The following KLRG1 variants were observed in gnomAD, a reference collection of about 807,000 sequenced individuals.
The protein encoded by KLRG1 is killer cell lectin-like receptor subfamily G member 1.
A neutral mutation model predicts 21.8 loss-of-function variants in KLRG1; 16 were observed. That is an observed-to-expected ratio of 0.73 (90% CI 0.50 to 1.11). KLRG1 has a LOEUF of 1.11. Among genes scored for constraint, KLRG1 ranks in the 50% most tolerant of loss-of-function variants. The probability of loss-of-function intolerance (pLI) is 0.00; values close to 1 mark genes in which losing one functional copy is unlikely to be tolerated. For synonymous variants in KLRG1, 69 were observed against 75.9 expected (o/e 0.91, Z 0.47); for missense variants, 173 against 218.3 (o/e 0.79, Z 1.31).
At chr12:9,125,145 G>A in the KLRG1 span, among the ~76,000 whole-genome samples, 65 of 152,362 alleles carry the variant, frequency 4.3e-4, no homozygotes, top group African/African-American at 1.5e-3. Context: ...AGTGCAGAGA[G>A]GAGCAAGGAG....
chr12:9,214,159 A>G, the KLRG1 span, among the ~76,000 whole-genome samples: 1 of 151,942 alleles, frequency 6.6e-6, no homozygotes, highest in Non-Finnish European at 1.5e-5. Flanking sequence ...GGATTTATTT[A>G]TGGACTCTCA....
the KLRG1 span, among the ~76,000 whole-genome samples, chr12:9,022,637 G>A: frequency 6.6e-5 from 10 of 152,168 alleles, no homozygotes; most frequent in East Asian, 5.8e-4. Context: ...GGGATTTTTA[G>A]CCCCACCCCT....
the KLRG1 span, among the ~76,000 whole-genome samples, chr12:9,102,207 G>GCT: frequency 6.6e-6 from 1 of 152,094 alleles, no homozygotes. Flanking sequence ...GCTATCTTAG[G>GCT]CTGATTGCTA....
chr12:8,962,733 G>A (rs865823954), intron 1 of KLRG1, among the ~76,000 whole-genome samples: 26 of 141,596 alleles, frequency 1.8e-4, no homozygotes, highest in African/African-American at 4.5e-4. Flanking sequence ...AAAAAAAAAA[G>A]AAAGAAAGAA....
At chr12:9,214,162 G>A in the KLRG1 span, among the ~76,000 whole-genome samples, 5 of 151,970 alleles carry the variant, frequency 3.3e-5, no homozygotes, top group Middle Eastern at 3.4e-3. Context: ...TTTATTTATG[G>A]ACTCTCAATG....
the KLRG1 span, among the ~76,000 whole-genome samples, chr12:9,128,802 G>C: frequency 5.3e-5 from 8 of 152,314 alleles, no homozygotes; most frequent in Admixed American, 5.2e-4. Flanking sequence ...TTCCAAACCA[G>C]TTTTTCTTAC....
rs1313826366 is a variant in KLRG1 at position 9,009,078 on chromosome 12, A to G, written c.458+3A>G. On this transcript the variant is annotated splice_donor_region_variant and intron_variant, in intron 4 of 4. Transcript: ENST00000356986. ...GGATCACCTCTAAACTTCTCAAGGT[A>G]AGGGGCTTCAAAGGAATGCAAAAAA... 1 of 1,601,690 alleles carries G rather than the reference A, an allele frequency of 6.2e-7. No individual in the cohort carries two copies. Among genetic ancestry groups the G allele is most frequent in the African/African-American group, 1.3e-5 (1 of 74,406 alleles).
the KLRG1 span, among the ~76,000 whole-genome samples, chr12:9,164,940 C>T: frequency 6.6e-6 from 1 of 152,126 alleles, no homozygotes. Flanking sequence ...CTTAGAGAGC[C>T]GTGATTTAAG....
At chr12:9,106,363 A>T in the KLRG1 span, 1 of 1,562,666 alleles carries the variant, frequency 6.4e-7, no homozygotes, top group Non-Finnish European at 8.8e-7. Flanking sequence ...AAGAGAAAAA[A>T]ATCTGTTATT....
the KLRG1 span, chr12:9,196,809 G>A: frequency 2.3e-5 from 19 of 841,824 alleles, no homozygotes; most frequent in South Asian, 7.9e-5. Flanking sequence ...ATTGACCTTC[G>A]AGAACTTAAT....
the KLRG1 span, among the ~76,000 whole-genome samples, chr12:9,026,661 C>T: frequency 6.6e-6 from 1 of 152,102 alleles, no homozygotes; most frequent in South Asian, 2.1e-4. Flanking sequence ...GCTATTCACT[C>T]TATCAGGGTT....
chr12:9,065,977 G>T, the KLRG1 span: 84,111 of 152,134 alleles, frequency 0.55, 24,885 homozygotes, highest in African/African-American at 0.76. Context: ...CAGGGTCTCC[G>T]TTCTGCTAGA....
At chr12:9,051,788 A>G in the KLRG1 span, among the ~76,000 whole-genome samples, 1 of 152,336 alleles carries the variant, frequency 6.6e-6, no homozygotes, top group South Asian at 2.1e-4. Flanking sequence ...CTGACTTTTC[A>G]ACATTAAACC....
At chr12:9,164,338 G>A in the KLRG1 span, 79 of 1,449,608 alleles carry the variant, frequency 5.4e-5, 1 homozygote, top group African/African-American at 1.1e-3. Context: ...GGCCAAGTGT[G>A]AGATGCTGCA....
At chr12:8,968,098 A>G (rs1480876545) in intron 1 of KLRG1, among the ~76,000 whole-genome samples, 1 of 152,210 alleles carries the variant, frequency 6.6e-6, no homozygotes. Context: ...AAATAAATAG[A>G]ACATACAGAA....
intron 1 of KLRG1, among the ~76,000 whole-genome samples, chr12:8,952,972 G>T (rs1946229994): frequency 6.6e-6 from 1 of 151,760 alleles, no homozygotes; most frequent in Non-Finnish European, 1.5e-5. Context: ...TTTCATTTTG[G>T]TTTTGTTTGA....
At chr12:9,195,514 A>G in the KLRG1 span, among the ~76,000 whole-genome samples, 2 of 150,376 alleles carry the variant, frequency 1.3e-5, no homozygotes, top group Admixed American at 6.6e-5. Context: ...TGCCATTATA[A>G]CTCACAGCAG....
chr12:9,123,978 A>G, the KLRG1 span, among the ~76,000 whole-genome samples: 1 of 114,310 alleles, frequency 8.7e-6, no homozygotes, highest in Non-Finnish European at 1.7e-5. Context: ...TCCTATTTAG[A>G]AAAAAAAAGT....
At chr12:9,156,708 G>A in the KLRG1 span, among the ~76,000 whole-genome samples, 1 of 152,176 alleles carries the variant, frequency 6.6e-6, no homozygotes, top group African/African-American at 2.4e-5. Flanking sequence ...TGCAATCCCA[G>A]AGAAGACAGT....
Sources: gnomAD v4.1 joint callset for allele counts (sites outside exome capture counted in the v4.1 genomes callset) on GRCh38, gnomAD v4.1.1 for gene constraint, MANE v1.5 for transcripts, NCBI Gene and HGNC (gene_info 2026-07-23, HGNC 2026-07-21) for gene names.